Variants in DOCK11 observed in about 807,000 individuals in gnomAD.
The protein encoded by DOCK11 is dedicator of cytokinesis 11, also known as dedicator of cytokinesis protein 11.
In DOCK11, 70 loss-of-function variants were observed where a neutral mutation model predicts 169.1. The observed-to-expected ratio is 0.41, with a 90% confidence interval of 0.34 to 0.51. The LOEUF (loss-of-function observed/expected upper bound fraction) is 0.51, where lower values mean the gene tolerates loss of function less well. Ranked by LOEUF, DOCK11 falls within the 20% of genes least tolerant of loss-of-function variation. The pLI, the probability that DOCK11 is intolerant of heterozygous loss-of-function variation, is 0.10. For synonymous variants in DOCK11, 529 were observed against 541.3 expected, an observed-to-expected ratio of 0.98 and a Z score of 0.32; for missense variants, 1,166 against 1,538.8, an observed-to-expected ratio of 0.76 and a Z score of 4.05.
Position 118,545,362 on chromosome X carries a change from T to C in DOCK11, c.432T>C (p.Phe144=). The change falls in exon 5 of 53, where the codon TTT becomes TTC. Residue 144 remains phenylalanine, a synonymous_variant. Coordinates refer to ENST00000276202, the MANE Select transcript of DOCK11 (RefSeq NM_144658.4). The stretch of plus-strand genomic sequence containing the variant: ...CAGAAAAGATTCCTAATCATGTATT[T>C]GAGATAGATGAAGACTGTGAGAAAG... ...LRPEKIPNHV[F]EIDEDCEKDE... is the part of the protein sequence containing the mutation. The C allele has an allele frequency of 8.3e-7, 1 of 1,199,885 alleles. No individual in the cohort carries two copies.
chrX:118,564,454 C>T (rs1187275768), intron 7 of DOCK11, among the ~76,000 whole-genome samples: 1 of 111,542 alleles, frequency 9.0e-6, no homozygotes, highest in Non-Finnish European at 1.9e-5. Flanking sequence ...TTTCTTTTTT[C>T]ATGACAGAGA....
chrX:118,513,634 G>A (rs2057664153), intron 1 of DOCK11, among the ~76,000 whole-genome samples: 1 of 112,086 alleles, frequency 8.9e-6, no homozygotes, highest in Non-Finnish European at 1.9e-5. Flanking sequence ...AAAGTGAAGA[G>A]TTTACGAAAT....
At position 118,623,481 on chromosome X, in the gene DOCK11, G is replaced by A. The variant is rs192110245; in HGVS notation, c.3472-1058G>A. Among the ~76,000 whole-genome samples, 88 of 112,763 alleles carry A rather than the reference G, an allele frequency of 7.8e-4. 2 individuals are homozygous for A. The highest frequency in any genetic ancestry group is 1.3e-4 in the Non-Finnish European group (7 of 53,352). On this transcript the variant is annotated intron_variant, in intron 31 of 52. Coordinates refer to ENST00000276202, the MANE Select transcript of DOCK11 (RefSeq NM_144658.4). ...CATTCATTCCTGCCTTCAGCAGGAAGTTGGACTAGGTTAGTGGTTCTGAAA... is the reference window on the plus strand; with the variant it reads ...CATTCATTCCTGCCTTCAGCAGGAAATTGGACTAGGTTAGTGGTTCTGAAA...
intron 10 of DOCK11, among the ~76,000 whole-genome samples, chrX:118,568,422 A>T (rs1424783798): frequency 2.3e-5 from 1 of 42,776 alleles, no homozygotes; most frequent in African/African-American, 9.0e-5. Flanking sequence ...ATATATATAT[A>T]TATTTCTCAG....
At chrX:118,561,262 T>G in intron 6 of DOCK11, 121 bp from the exon 7 acceptor site, 1 of 585,084 alleles carries the variant, frequency 1.7e-6, no homozygotes, top group Non-Finnish European at 2.5e-6. Flanking sequence ...CTTGTCAGGG[T>G]TGTCTGAAGA....
intron 34 of DOCK11, among the ~76,000 whole-genome samples, chrX:118,629,154 T>C (rs1464709806): frequency 1.8e-5 from 2 of 111,659 alleles, no homozygotes; most frequent in Admixed American, 9.5e-5. Flanking sequence ...TGGTTGGGTA[T>C]TGTTACCCTT....
intron 18 of DOCK11, among the ~76,000 whole-genome samples, chrX:118,589,306 A>G (rs1469062433): frequency 9.0e-6 from 1 of 111,521 alleles, no homozygotes; most frequent in Non-Finnish European, 1.9e-5. Flanking sequence ...TGTTCAGTGG[A>G]GATGAGAACA....
intron 6 of DOCK11, among the ~76,000 whole-genome samples, chrX:118,559,538 C>G (rs2012833405): frequency 9.0e-6 from 1 of 110,907 alleles, no homozygotes. Context: ...TTTGAAATGA[C>G]CTCAGCATGT....
intron 26 of DOCK11, among the ~76,000 whole-genome samples, chrX:118,608,862 C>G (rs1391383933): frequency 9.0e-6 from 1 of 111,392 alleles, no homozygotes; most frequent in East Asian, 2.8e-4. Context: ...AGGCAAACAT[C>G]TAGGCTACTT....
intron 48 of DOCK11, among the ~76,000 whole-genome samples, chrX:118,677,737 C>G (rs1009041420): frequency 8.9e-6 from 1 of 112,196 alleles, no homozygotes; most frequent in Admixed American, 9.5e-5. Context: ...GTGGTAGTTT[C>G]AACGTAATAT....
intron 9 of DOCK11, 144 bp downstream of exon 9, chrX:118,566,797 G>A: frequency 2.0e-6 from 1 of 505,862 alleles, no homozygotes. Flanking sequence ...GATTGTAAAA[G>A]AAAAGTTGCA....
chrX:118,605,444 C>T, intron 24 of DOCK11, 88 bp downstream of exon 24: 1 of 593,243 alleles, frequency 1.7e-6, no homozygotes, highest in Admixed American at 3.6e-5. Flanking sequence ...ATAAACTTCC[C>T]TCTTAGAACT....
intron 13 of DOCK11, among the ~76,000 whole-genome samples, chrX:118,579,802 C>T (rs1249769469): frequency 8.9e-6 from 1 of 111,919 alleles, no homozygotes; most frequent in Non-Finnish European, 1.9e-5. Flanking sequence ...CATGTTAAAA[C>T]CACTGAACAT....
At chrX:118,570,867 A>C (rs769828874) in intron 10 of DOCK11, among the ~76,000 whole-genome samples, 5 of 112,365 alleles carry the variant, frequency 4.4e-5, no homozygotes, top group Non-Finnish European at 9.4e-5. Context: ...AGATGAACTT[A>C]GATTGCCTGA....
rs958511017 is a variant in DOCK11 at position 118,584,758 on chromosome X, G to A, written c.1619G>A (p.Gly540Asp). The change falls in exon 15 of 53, where the codon GGC (glycine) becomes GAC (aspartate). Residue 540 changes from glycine to aspartate, a missense_variant. Gly to Asp is a moderately conservative substitution (Grantham distance 94, BLOSUM62 -1). Coordinates refer to ENST00000276202, the MANE Select transcript of DOCK11 (RefSeq NM_144658.4). ...AGACCCATTTTCAAAGATACTCAAG[G>A]CTCTCTTGATCTGGATGGGAGATTT... ...AARPIFKDTQ[G>D]SLDLDGRFSP... The A allele has an allele frequency of 5.1e-6, 6 of 1,177,119 alleles. No homozygotes were observed. Among genetic ancestry groups the A allele is most frequent in the Non-Finnish European group, 5.7e-6 (5 of 878,537 alleles).
chrX:118,571,271 T>C (rs902176152), intron 10 of DOCK11, among the ~76,000 whole-genome samples: 1 of 111,549 alleles, frequency 9.0e-6, no homozygotes, highest in Non-Finnish European at 1.9e-5. Flanking sequence ...CCCCAAAATC[T>C]GCCATTCATT....
At chrX:118,640,014 T>C (rs2015490149) in intron 38 of DOCK11, among the ~76,000 whole-genome samples, 1 of 112,285 alleles carries the variant, frequency 8.9e-6, no homozygotes, top group African/African-American at 3.2e-5. Context: ...CTTAATATAA[T>C]AGTATATGTA....
intron 28 of DOCK11, among the ~76,000 whole-genome samples, chrX:118,612,892 T>C (rs1476340813): frequency 8.9e-6 from 1 of 112,323 alleles, no homozygotes; most frequent in Non-Finnish European, 1.9e-5. Context: ...TTGATTCATA[T>C]GCAATGGAGT....
At chrX:118,685,518 A>G (rs949051716) in intron 52 of DOCK11, 170 bp from the exon 53 acceptor site, 21 of 517,321 alleles carry the variant, frequency 4.1e-5, no homozygotes, top group Non-Finnish European at 6.0e-5. Flanking sequence ...TTTGTAATAC[A>G]GCTTTGAAGA....
Sources: gnomAD v4.1 joint callset for allele counts (sites outside exome capture counted in the v4.1 genomes callset) on GRCh38, gnomAD v4.1.1 for gene constraint, MANE v1.5 for transcripts, NCBI Gene and HGNC (gene_info 2026-07-23, HGNC 2026-07-21) for gene names.